The following OLA1 variants were observed in gnomAD, a reference collection of about 807,000 sequenced individuals.
The protein encoded by OLA1 is obg-like ATPase 1.
A neutral mutation model predicts 48.4 loss-of-function variants in OLA1; 14 were observed. The ratio of observed to expected loss-of-function variants is 0.29; its 90% CI spans 0.19 to 0.45. OLA1 has a LOEUF of 0.45. OLA1 is among the 20% of genes least tolerant of loss of function. The pLI, the probability that OLA1 is intolerant of heterozygous loss-of-function variation, is 1.00. For missense variants in OLA1, 325 were observed against 467.1 expected, an observed-to-expected ratio of 0.70 and a Z score of 2.80; for synonymous variants, 127 against 150.4, an observed-to-expected ratio of 0.84 and a Z score of 1.14.
intron 4 of OLA1, among the ~76,000 whole-genome samples, chr2:174,155,433 G>A (rs116827227): frequency 3.1e-4 from 47 of 152,208 alleles, no homozygotes; most frequent in African/African-American, 9.7e-4. Flanking sequence ...AAGACATTTA[G>A]TGAGCATTTC....
chr2:174,245,942 T>C (rs1329774838), intron 2 of OLA1, among the ~76,000 whole-genome samples: 1 of 151,892 alleles, frequency 6.6e-6, no homozygotes, highest in Admixed American at 6.6e-5. Flanking sequence ...TATAGAGTTA[T>C]GATAAACCCC....
At chr2:174,141,653 T>C (rs1364087403) in intron 5 of OLA1, among the ~76,000 whole-genome samples, 172 bp downstream of exon 5, 1 of 152,028 alleles carries the variant, frequency 6.6e-6, no homozygotes, top group African/African-American at 2.4e-5. Flanking sequence ...CCTATCACCA[T>C]GGCCCTTGGT....
intron 4 of OLA1, among the ~76,000 whole-genome samples, chr2:174,182,631 G>A (rs1039551123): frequency 6.6e-6 from 1 of 152,148 alleles, no homozygotes; most frequent in Non-Finnish European, 1.5e-5. Flanking sequence ...ACAGCAATGG[G>A]CCACTTCACC....
intron 4 of OLA1, among the ~76,000 whole-genome samples, chr2:174,199,603 T>G (rs1687948193): frequency 6.6e-6 from 1 of 152,208 alleles, no homozygotes; most frequent in African/African-American, 2.4e-5. Context: ...TTTTTGATAC[T>G]GTATCACATA....
At chr2:174,196,485 G>T (rs1687880451) in intron 4 of OLA1, among the ~76,000 whole-genome samples, 3 of 152,080 alleles carry the variant, frequency 2.0e-5, no homozygotes, top group Admixed American at 2.0e-4. Flanking sequence ...TTAAATAATA[G>T]TCAATAGCTG....
At chr2:174,096,563 G>T (rs1264895040) in intron 7 of OLA1, among the ~76,000 whole-genome samples, 1 of 152,154 alleles carries the variant, frequency 6.6e-6, no homozygotes, top group African/African-American at 2.4e-5. Flanking sequence ...AATAGAAAAA[G>T]CAGAGATTTT....
At chr2:174,227,050 C>T (rs1190322575) in intron 3 of OLA1, among the ~76,000 whole-genome samples, 1 of 151,596 alleles carries the variant, frequency 6.6e-6, no homozygotes, top group East Asian at 1.9e-4. Flanking sequence ...GCTGTGATCA[C>T]ACCACTGCAC....
At chr2:174,075,625 G>A in intron 10 of OLA1, 98 bp from the exon 11 acceptor site, 1 of 703,596 alleles carries the variant, frequency 1.4e-6, no homozygotes, top group Non-Finnish European at 2.4e-6. Context: ...ATACTACTTG[G>A]GTGATATAAA....
At chr2:174,121,166 C>T (rs568102859) in intron 7 of OLA1, among the ~76,000 whole-genome samples, 1 of 152,096 alleles carries the variant, frequency 6.6e-6, no homozygotes, top group Admixed American at 6.6e-5. Flanking sequence ...TTATTCTGCA[C>T]TTTAATACAA....
At chr2:174,220,933 T>C (rs1688485967) in intron 4 of OLA1, among the ~76,000 whole-genome samples, 1 of 152,190 alleles carries the variant, frequency 6.6e-6, no homozygotes, top group African/African-American at 2.4e-5. Context: ...TATCTGACTG[T>C]TGAAATTAAA....
chr2:174,086,468 C>T (rs968115395), intron 7 of OLA1, among the ~76,000 whole-genome samples: 14 of 152,268 alleles, frequency 9.2e-5, no homozygotes, highest in African/African-American at 1.4e-4. Context: ...CAGTACCAAA[C>T]CCTATATATA....
intron 2 of OLA1, among the ~76,000 whole-genome samples, chr2:174,234,611 G>C (rs549356617): frequency 6.6e-6 from 1 of 152,072 alleles, no homozygotes; most frequent in South Asian, 2.1e-4. Context: ...CTACACGTGC[G>C]TACCACCACC....
intron 4 of OLA1, chr2:174,172,416 G>A: frequency 6.4e-6 from 1 of 155,064 alleles, no homozygotes. Context: ...CTTCCTATAT[G>A]TGGGCAAGGA....
intron 5 of OLA1, among the ~76,000 whole-genome samples, chr2:174,137,575 G>A (rs1232844673): frequency 1.3e-5 from 2 of 152,162 alleles, no homozygotes; most frequent in Non-Finnish European, 2.9e-5. Context: ...TTGAACATCT[G>A]TTGTTTTCAT....
intron 4 of OLA1, among the ~76,000 whole-genome samples, chr2:174,161,561 A>G (rs980246556): frequency 6.6e-6 from 1 of 151,988 alleles, no homozygotes; most frequent in African/African-American, 2.4e-5. Context: ...GCTACTTGGG[A>G]AACTGAGATG....
At chr2:174,202,503 A>G (rs1688013587) in intron 4 of OLA1, among the ~76,000 whole-genome samples, 1 of 152,194 alleles carries the variant, frequency 6.6e-6, no homozygotes, top group East Asian at 1.9e-4. Flanking sequence ...ATTGTGTTTA[A>G]TGCTATATTG....
Position 174,215,540 on chromosome 2 carries a change from A to C in OLA1, c.373+7493T>G, listed in dbSNP as rs1688344868. Among the ~76,000 whole-genome samples the C allele has an allele frequency of 3.3e-5, 5 of 152,328 alleles. No homozygotes were observed. The South Asian group carries it at 1.0e-3, about 32-fold the overall frequency. On this transcript the variant is annotated intron_variant, in intron 4 of 10. Coordinates refer to ENST00000284719, the MANE Select transcript of OLA1 (RefSeq NM_013341.5). Reference sequence around the variant, plus strand: ...GAAAAAACTTGTAGATGAAACATGTAGCCTAGAAATATGGAAAAAAATAAG... The same window carrying C: ...GAAAAAACTTGTAGATGAAACATGTCGCCTAGAAATATGGAAAAAAATAAG...
At chr2:174,165,431 T>C (rs1406746440) in intron 4 of OLA1, among the ~76,000 whole-genome samples, 2 of 152,218 alleles carry the variant, frequency 1.3e-5, no homozygotes, top group Admixed American at 6.5e-5. Context: ...CCCAAGGTCA[T>C]ATAGCTAACA....
chr2:174,204,737 T>G (rs1455717553), intron 4 of OLA1, among the ~76,000 whole-genome samples: 1 of 107,562 alleles, frequency 9.3e-6, no homozygotes, highest in Non-Finnish European at 1.9e-5. Context: ...AGATATAATA[T>G]TCATAAAAAA....
Sources: gnomAD v4.1 joint callset for allele counts (sites outside exome capture counted in the v4.1 genomes callset) on GRCh38, gnomAD v4.1.1 for gene constraint, MANE v1.5 for transcripts, NCBI Gene and HGNC (gene_info 2026-07-23, HGNC 2026-07-21) for gene names.